The following UGT1A7 variants were observed in gnomAD, a reference collection of about 807,000 sequenced individuals.
UGT1A7 encodes UDP glucuronosyltransferase family 1 member A7, also known as UDP-glucuronosyltransferase 1A7.
In UGT1A7, 33 loss-of-function variants were observed where a neutral mutation model predicts 45.6. That is an observed-to-expected ratio of 0.72 (90% CI 0.55 to 0.97). The LOEUF (loss-of-function observed/expected upper bound fraction) is 0.97, where lower values mean the gene tolerates loss of function less well. Ranked by LOEUF, UGT1A7 falls within the 50% of genes least tolerant of loss-of-function variation. The pLI, the probability that UGT1A7 is intolerant of heterozygous loss-of-function variation, is 0.00. For missense variants in UGT1A7, 684 were observed against 666.2 expected, an observed-to-expected ratio of 1.03 and a Z score of -0.29; for synonymous variants, 274 against 250.6, an observed-to-expected ratio of 1.09 and a Z score of -0.88.
chr2:233,705,079 A>C (rs1298601892), intron 1 of UGT1A7, among the ~76,000 whole-genome samples: 1 of 151,822 alleles, frequency 6.6e-6, no homozygotes, highest in Non-Finnish European at 1.5e-5. Flanking sequence ...GAGGTTGCAG[A>C]GAGCCAAGAT....
chr2:233,689,268 A>G (rs537771403), intron 1 of UGT1A7, among the ~76,000 whole-genome samples: 1 of 152,312 alleles, frequency 6.6e-6, no homozygotes, highest in African/African-American at 2.4e-5. Context: ...TATTGTTATC[A>G]TACTAAACTA....
At chr2:233,719,425 C>G in intron 1 of UGT1A7, 1 of 1,613,998 alleles carries the variant, frequency 6.2e-7, no homozygotes, top group Non-Finnish European at 8.5e-7. Context: ...ACGACCAATT[C>G]AGACCACATG....
chr2:233,761,268 C>T lies in UGT1A7; in HGVS notation c.856-5766C>T, dbSNP rs991345874. 11 of 1,592,332 alleles carry T rather than the reference C, an allele frequency of 6.9e-6. No homozygotes were observed. In the African/African-American group the frequency reaches 1.5e-4, roughly 21 times the overall value. On this transcript the variant is annotated intron_variant, in intron 1 of 4. Coordinates refer to ENST00000373426, the MANE Select transcript of UGT1A7 (RefSeq NM_019077.3). ...GCATTCTGAGATAATTTAAAATGCC[C>T]TCTTTTGTTAATTTTTGACTCCTAG...
chr2:233,769,511 C>T lies in UGT1A7; in HGVS notation c.1295+1072C>T. On this transcript the variant is annotated intron_variant, in intron 4 of 4. Coordinates refer to ENST00000373426, the MANE Select transcript of UGT1A7 (RefSeq NM_019077.3). This position sits in a 1 kb window ranked among gnomAD's most constrained non-coding sequence, Gnocchi z 4.4. ...TTTATGAGAGTGTCCATTGCTTTCT[C>T]CCATGGTTACCTCCTTTAGAAAGAA... 6.2e-7 allele frequency: 1 copy of T among 1,612,794 alleles called. No individual in the cohort carries two copies. The highest frequency in any genetic ancestry group is 8.5e-7 in the Non-Finnish European group (1 of 1,179,854).
At chr2:233,713,262 C>G in intron 1 of UGT1A7, 1 of 1,614,080 alleles carries the variant, frequency 6.2e-7, no homozygotes, top group Non-Finnish European at 8.5e-7. Context: ...CGAATTTGAT[C>G]GCCTTTTGCT....
intron 1 of UGT1A7, among the ~76,000 whole-genome samples, chr2:233,730,472 G>T (rs2078038182): frequency 6.6e-6 from 1 of 152,162 alleles, no homozygotes; most frequent in South Asian, 2.1e-4. Context: ...GGAGACCTAG[G>T]CACTCACATG....
chr2:233,747,828 A>G, intron 1 of UGT1A7: 8 of 1,613,512 alleles, frequency 5.0e-6, no homozygotes, highest in Non-Finnish European at 6.8e-6. Flanking sequence ...AGACCACATG[A>G]CATTCCTGCA....
Position 233,724,954 on chromosome 2 carries a change from C to T in UGT1A7, c.856-42080C>T, listed in dbSNP as rs544768388. Among the ~76,000 whole-genome samples, 7 of 144,024 alleles carry T rather than the reference C, an allele frequency of 4.9e-5. No homozygotes were observed. In the South Asian group the frequency reaches 7.3e-4, roughly 15 times the overall value. 94.5% of individuals were successfully genotyped at this position (144,024 alleles called of 152,430 possible). Reference sequence around the variant, plus strand: ...GACTCCGTCTGCAATCCCGGCACCTCGGGAGGCCGAGGTTGGCGGATCACT... The same window carrying T: ...GACTCCGTCTGCAATCCCGGCACCTTGGGAGGCCGAGGTTGGCGGATCACT... On this transcript the variant is annotated intron_variant, in intron 1 of 4. Transcript: ENST00000373426.
intron 1 of UGT1A7, among the ~76,000 whole-genome samples, chr2:233,686,402 T>G (rs1430528761): frequency 6.6e-6 from 1 of 152,140 alleles, no homozygotes; most frequent in African/African-American, 2.4e-5. Flanking sequence ...GGCGCCCTTA[T>G]TAAGGTGTGC....
chr2:233,686,615 C>T (rs1343567739), intron 1 of UGT1A7, among the ~76,000 whole-genome samples: 2 of 152,046 alleles, frequency 1.3e-5, no homozygotes, highest in Non-Finnish European at 2.9e-5. Context: ...TCTCTCTCTC[C>T]TTCAATCTAT....
intron 1 of UGT1A7, chr2:233,713,356 T>C (rs2125633353): frequency 6.2e-7 from 1 of 1,614,242 alleles, no homozygotes; most frequent in Non-Finnish European, 8.5e-7. Flanking sequence ...AATATGTCTT[T>C]GATCATACAT....
rs185333824 is a variant in UGT1A7, at chr2:233,753,128, G to A, written c.856-13906G>A. 3.3e-4 allele frequency: 50 copies of A among 152,262 alleles called. No individual in the cohort carries two copies. The East Asian group carries it at 8.9e-3, about 27-fold the overall frequency. 9.4% of individuals were successfully genotyped at this position (152,262 alleles called of 1,614,324 possible). A position where few individuals can be genotyped will look rare whatever the true frequency, so the allele number is the denominator to read the frequency against. On this transcript the variant is annotated intron_variant, in intron 1 of 4. Transcript: ENST00000373426. ...AAACCCATCCCCAGCAAACTACTCA[G>A]TGAGTATCTTCACACATGTAAGTTC...
chr2:233,690,515 C>T (rs1313836280), intron 1 of UGT1A7: 3 of 1,289,546 alleles, frequency 2.3e-6, no homozygotes, highest in Admixed American at 4.6e-5. Context: ...TTTGTTTTAT[C>T]TTAGGATCTA....
At chr2:233,747,177 T>A in intron 1 of UGT1A7, 1 of 1,600,690 alleles carries the variant, frequency 6.2e-7, no homozygotes, top group Non-Finnish European at 8.5e-7. Context: ...AGGCACAGCG[T>A]GGGGTGGACA....
Position 233,682,648 on chromosome 2 carries a change from C to T in UGT1A7, c.711C>T (p.Thr237=). The part of the protein sequence containing the change: ...VLEIASEILQ[T]PVTAYDLYSH... Reference sequence around the variant, plus strand: ...AAATAGCCTCTGAAATTCTCCAAACCCCTGTCACGGCATATGATCTCTACA... The same window carrying T: ...AAATAGCCTCTGAAATTCTCCAAACTCCTGTCACGGCATATGATCTCTACA... The change falls in exon 1 of 5, where the codon ACC becomes ACT. Residue 237 remains threonine, a synonymous_variant. Coordinates refer to ENST00000373426, the MANE Select transcript of UGT1A7 (RefSeq NM_019077.3). The T allele has an allele frequency of 6.2e-7, 1 of 1,613,878 alleles. No individual in the cohort carries two copies. Among genetic ancestry groups the T allele is most frequent in the South Asian group, 1.1e-5 (1 of 91,070 alleles).
chr2:233,683,230 TATC>T lies in UGT1A7; in HGVS notation c.855+441_855+443del, dbSNP rs1332464727. On this transcript the variant is annotated intron_variant, in intron 1 of 4. Coordinates refer to ENST00000373426, the MANE Select transcript of UGT1A7 (RefSeq NM_019077.3). ...TCTATTTTATCAATATAAAATCTAC[TATC>T]ATGCTGGCTATGTTTTTTTATGTTA... Among the ~76,000 whole-genome samples, 4 of 152,196 alleles carry T rather than the reference TATC, an allele frequency of 2.6e-5. No individual in the cohort carries two copies. In the East Asian group the frequency reaches 7.7e-4, roughly 29 times the overall value.
At chr2:233,757,716 G>A (rs1426066067) in intron 1 of UGT1A7, among the ~76,000 whole-genome samples, 1 of 151,612 alleles carries the variant, frequency 6.6e-6, no homozygotes, top group African/African-American at 2.4e-5. Context: ...TCCCGGGAGG[G>A]TCCTGTAGAT....
intron 1 of UGT1A7, among the ~76,000 whole-genome samples, chr2:233,733,415 C>T (rs778280209): frequency 6.6e-5 from 10 of 152,224 alleles, no homozygotes; most frequent in East Asian, 1.9e-4. Context: ...TTCCAGTTTT[C>T]GCCTACTCAG....
At chr2:233,713,145 C>A in intron 1 of UGT1A7, 1 of 1,614,224 alleles carries the variant, frequency 6.2e-7, no homozygotes, top group Non-Finnish European at 8.5e-7. Flanking sequence ...GCGGGACCTC[C>A]ATGCGAGAGG....
Sources: gnomAD v4.1 joint callset for allele counts (sites outside exome capture counted in the v4.1 genomes callset) on GRCh38, gnomAD v4.1.1 for gene constraint, Gnocchi (gnomAD v3.1) non-coding constraint, MANE v1.5 for transcripts, NCBI Gene and HGNC (gene_info 2026-07-23, HGNC 2026-07-21) for gene names.